CADPS2: variants seen among roughly 807,000 people sequenced by gnomAD.
CADPS2 encodes the protein calcium-dependent secretion activator 2.
Under a neutral mutation model 172.5 loss-of-function variants are expected in CADPS2, and 93 were observed. The ratio of observed to expected loss-of-function variants is 0.54; its 90% CI spans 0.46 to 0.64. The LOEUF (loss-of-function observed/expected upper bound fraction) is 0.64, where lower values mean the gene tolerates loss of function less well. Ranked by LOEUF, CADPS2 falls within the 30% of genes least tolerant of loss-of-function variation. The pLI, the probability that CADPS2 is intolerant of heterozygous loss-of-function variation, is 0.00. For missense variants in CADPS2, 1,420 were observed against 1,565.9 expected (o/e 0.91, Z 1.57); for synonymous variants, 546 against 555.2 (o/e 0.98, Z 0.23).
chr7:122,698,148 T>G (rs553950685), intron 2 of CADPS2: 1 of 1,613,984 alleles, frequency 6.2e-7, no homozygotes, highest in African/African-American at 1.3e-5. Context: ...CAAAGCAAAT[T>G]ACGCAGCTAT....
chr7:122,590,505 T>C (rs151244540), intron 6 of CADPS2, among the ~76,000 whole-genome samples: 2,356 of 152,046 alleles, frequency 0.015, 63 homozygotes, highest in African/African-American at 0.052. Context: ...CGCTATAATT[T>C]AGTCAATCAC....
At chr7:122,865,385 T>A (rs188206177) in intron 1 of CADPS2, among the ~76,000 whole-genome samples, 1 of 152,314 alleles carries the variant, frequency 6.6e-6, no homozygotes, top group East Asian at 1.9e-4. Flanking sequence ...AACTTAAGTC[T>A]TGGCTATAGC....
chr7:122,697,924 C>T, intron 2 of CADPS2: 1 of 1,613,960 alleles, frequency 6.2e-7, no homozygotes, highest in African/African-American at 1.3e-5. Context: ...CTCCTCTTCA[C>T]TAGGTGATAA....
At position 122,852,721 on chromosome 7, in the gene CADPS2, G is replaced by A. The variant is rs1165026736; in HGVS notation, c.339+33278C>T. Among the ~76,000 whole-genome samples the A allele has an allele frequency of 2.0e-5, 3 of 152,094 alleles. No individual in the cohort carries two copies. The East Asian group carries it at 5.8e-4, about 29-fold the overall frequency. ...GAGAGAGCAAGGGGGAGAGGTGGGAGGACAGATCATGTAGGGTCTGGTGTG... is the reference window on the plus strand; with the variant it reads ...GAGAGAGCAAGGGGGAGAGGTGGGAAGACAGATCATGTAGGGTCTGGTGTG... On this transcript the variant is annotated intron_variant, in intron 1 of 29. Coordinates refer to ENST00000449022, the MANE Select transcript of CADPS2 (RefSeq NM_017954.11).
At chr7:122,477,582 A>G (rs1044740752) in intron 12 of CADPS2, among the ~76,000 whole-genome samples, 2 of 151,848 alleles carry the variant, frequency 1.3e-5, no homozygotes. Flanking sequence ...CAAAAACTGT[A>G]AAGTGAAATG....
chr7:122,713,560 A>G (rs1448247198), intron 2 of CADPS2, among the ~76,000 whole-genome samples: 2 of 152,020 alleles, frequency 1.3e-5, no homozygotes, highest in Non-Finnish European at 2.9e-5. Context: ...AGATGATGCC[A>G]TGATCTGTAA....
chr7:122,817,667 T>C, intron 1 of CADPS2, among the ~76,000 whole-genome samples: 1 of 151,770 alleles, frequency 6.6e-6, no homozygotes. Context: ...CCCAATCCCT[T>C]CTCTCCTTGT....
intron 1 of CADPS2, among the ~76,000 whole-genome samples, chr7:122,853,248 T>A (rs1814190246): frequency 6.6e-6 from 1 of 152,160 alleles, no homozygotes; most frequent in Admixed American, 6.5e-5. Flanking sequence ...GGTCAGGGTA[T>A]TTCTCCCCCT....
intron 1 of CADPS2, among the ~76,000 whole-genome samples, chr7:122,767,639 C>T (rs547574878): frequency 1.8e-4 from 28 of 152,148 alleles, no homozygotes; most frequent in South Asian, 4.2e-4. Flanking sequence ...TCTCACTCCC[C>T]GGGACCTACC....
intron 9 of CADPS2, among the ~76,000 whole-genome samples, chr7:122,499,957 G>A (rs2059060269): frequency 1.3e-5 from 2 of 152,128 alleles, no homozygotes; most frequent in South Asian, 4.1e-4. Context: ...GGAGAGAGAT[G>A]AAGGGCATGG....
intron 2 of CADPS2, among the ~76,000 whole-genome samples, chr7:122,704,351 A>C (rs576999742): frequency 7.5e-4 from 114 of 151,192 alleles, no homozygotes; most frequent in African/African-American, 2.6e-3. Flanking sequence ...TTACAGGTAG[A>C]CTTTTTTTTT....
At chr7:122,345,886 T>A (rs2037532398) in intron 27 of CADPS2, among the ~76,000 whole-genome samples, 1 of 147,472 alleles carries the variant, frequency 6.8e-6, no homozygotes, top group Non-Finnish European at 1.5e-5. Context: ...TGAGATCAAA[T>A]TGAAAATACA....
chr7:122,878,721 T>C (rs867761973), intron 1 of CADPS2, among the ~76,000 whole-genome samples: 35 of 151,150 alleles, frequency 2.3e-4, no homozygotes, highest in Middle Eastern at 3.4e-3. Context: ...TACATGAAAA[T>C]TTGAAAAAAG....
chr7:122,631,632 A>G (rs2134221246), intron 3 of CADPS2, among the ~76,000 whole-genome samples: 1 of 152,252 alleles, frequency 6.6e-6, no homozygotes, highest in African/African-American at 2.4e-5. Flanking sequence ...AAAAAAAAGT[A>G]AGCAACAAAA....
At chr7:122,851,794 G>A (rs1048671774) in intron 1 of CADPS2, among the ~76,000 whole-genome samples, 6 of 152,050 alleles carry the variant, frequency 3.9e-5, no homozygotes, top group East Asian at 1.9e-4. Flanking sequence ...ACCCAACCCC[G>A]TGATTCAATT....
chr7:122,548,377 A>T (rs1360891212), intron 8 of CADPS2, among the ~76,000 whole-genome samples: 4 of 152,082 alleles, frequency 2.6e-5, no homozygotes, highest in East Asian at 1.9e-4. Context: ...TGTCTAAAAA[A>T]TTTTTTTAAA....
chr7:122,542,536 T>G (rs2131654377), intron 8 of CADPS2, among the ~76,000 whole-genome samples: 1 of 152,246 alleles, frequency 6.6e-6, no homozygotes, highest in East Asian at 1.9e-4. Flanking sequence ...AACTTGTCTT[T>G]CTATAAATAA....
At position 122,378,560 on chromosome 7, in the gene CADPS2, T is replaced by C. The variant is rs1284649117; in HGVS notation, c.3387+808A>G. On this transcript the variant is annotated intron_variant, in intron 25 of 29. Coordinates refer to ENST00000449022, the MANE Select transcript of CADPS2 (RefSeq NM_017954.11). ...AACAGGATGTCTTTTGTCTGTTTAT[T>C]AAATTGGGGGCGGTTTTACCTTTGC... is the stretch of plus-strand genomic sequence containing the variant. 1.1e-4 allele frequency among the ~76,000 whole-genome samples: 17 copies of C among 152,248 alleles called. No individual in the cohort carries two copies. The East Asian group carries it at 3.3e-3, about 30-fold the overall frequency.
intron 7 of CADPS2, among the ~76,000 whole-genome samples, chr7:122,574,396 C>G (rs923913360): frequency 7.4e-6 from 1 of 134,418 alleles, no homozygotes. Context: ...CAGTGAGCCA[C>G]GATTGTGCCA....
Sources: allele counts gnomAD v4.1 joint callset (sites outside exome capture counted in the v4.1 genomes callset), GRCh38; gene constraint gnomAD v4.1.1; transcripts MANE v1.5; gene names NCBI Gene and HGNC (gene_info 2026-07-23, HGNC 2026-07-21).